C1orf21: variants seen among roughly 807,000 people sequenced by gnomAD.
The protein encoded by C1orf21 is uncharacterized protein C1orf21.
In C1orf21, 3 loss-of-function variants were observed where a neutral mutation model predicts 18.7. The ratio of observed to expected loss-of-function variants is 0.16; its 90% CI spans 0.07 to 0.42. The LOEUF (loss-of-function observed/expected upper bound fraction) is 0.42, where lower values mean the gene tolerates loss of function less well. C1orf21 is among the 10% of genes least tolerant of loss of function. The pLI is 0.99. For missense variants in C1orf21, 104 were observed against 143.6 expected (o/e 0.72, Z 1.41); for synonymous variants, 41 against 46.4 (o/e 0.88, Z 0.47).
chr1:184,494,313 A>C (rs989047039), intron 2 of C1orf21, among the ~76,000 whole-genome samples: 1 of 152,226 alleles, frequency 6.6e-6, no homozygotes, highest in Non-Finnish European at 1.5e-5. Context: ...ACAAACTCAC[A>C]GAGGCAGTCC....
chr1:184,394,244 G>A (rs1000647597), intron 1 of C1orf21, among the ~76,000 whole-genome samples: 64 of 152,330 alleles, frequency 4.2e-4, no homozygotes, highest in African/African-American at 1.5e-3. Context: ...TGGTTTTTAA[G>A]TAATAATTCC....
chr1:184,390,638 G>T (rs1474228664), intron 1 of C1orf21, among the ~76,000 whole-genome samples: 1 of 152,006 alleles, frequency 6.6e-6, no homozygotes, highest in African/African-American at 2.4e-5. Context: ...GTGAGGGAAG[G>T]GTTACATGAT....
At chr1:184,440,205 A>G (rs943110455) in intron 1 of C1orf21, among the ~76,000 whole-genome samples, 2 of 152,138 alleles carry the variant, frequency 1.3e-5, no homozygotes, top group African/African-American at 4.8e-5. Flanking sequence ...ATCAGAAAAC[A>G]TATTGATTTC....
At chr1:184,519,635 G>T (rs1468781113) in intron 3 of C1orf21, among the ~76,000 whole-genome samples, 1 of 152,176 alleles carries the variant, frequency 6.6e-6, no homozygotes, top group Non-Finnish European at 1.5e-5. Flanking sequence ...CTTTCTGCAG[G>T]TTGTTCAGAT....
At chr1:184,554,163 A>G (rs528213281) in intron 3 of C1orf21, among the ~76,000 whole-genome samples, 30 of 152,308 alleles carry the variant, frequency 2.0e-4, no homozygotes, top group Middle Eastern at 3.4e-3. Flanking sequence ...TAATTTTGAT[A>G]ACCTGTAATG....
At position 184,628,114 on chromosome 1, in the gene C1orf21, A is replaced by G. The variant is rs1336675838; in HGVS notation, c.*8558A>G. On this transcript the variant is annotated 3_prime_UTR_variant, in exon 6 of 6. Transcript: ENST00000235307. ...GGGCATTGCTCTTCTGAACACCTGC[A>G]GAGGCTTCCTCAGGTGAGTGTGGGA... 1 of 152,228 alleles carries G rather than the reference A, an allele frequency of 6.6e-6. No homozygotes were observed. Among genetic ancestry groups the G allele is most frequent in the Non-Finnish European group, 1.5e-5 (1 of 68,050 alleles). The allele number at this position is 152,228 out of a possible 1,614,324, so 9.4% of individuals were successfully genotyped here.
At chr1:184,423,443 G>A (rs998837700) in intron 1 of C1orf21, among the ~76,000 whole-genome samples, 1 of 152,172 alleles carries the variant, frequency 6.6e-6, no homozygotes, top group African/African-American at 2.4e-5. Context: ...CAAATACTGG[G>A]ATTGCGGCCT....
chr1:184,470,700 G>A (rs1010739406), intron 1 of C1orf21, among the ~76,000 whole-genome samples: 1 of 152,070 alleles, frequency 6.6e-6, no homozygotes, highest in Non-Finnish European at 1.5e-5. Context: ...CCAACGTGGC[G>A]AAATCCCATC....
intron 3 of C1orf21, among the ~76,000 whole-genome samples, chr1:184,564,389 A>G (rs558987388): frequency 6.6e-6 from 1 of 152,154 alleles, no homozygotes; most frequent in East Asian, 1.9e-4. Context: ...GCTCACTGCA[A>G]CCTGCGCCTC....
At chr1:184,484,419 C>T (rs1219975973) in intron 2 of C1orf21, among the ~76,000 whole-genome samples, 1 of 152,192 alleles carries the variant, frequency 6.6e-6, no homozygotes, top group Non-Finnish European at 1.5e-5. Context: ...TCCTCTAATA[C>T]CTTCAGAAGG....
chr1:184,552,269 A>G (rs1658823537), intron 3 of C1orf21, among the ~76,000 whole-genome samples: 1 of 152,246 alleles, frequency 6.6e-6, no homozygotes, highest in African/African-American at 2.4e-5. Context: ...CAGAACAAAG[A>G]AAATAGCCTG....
chr1:184,438,113 G>A (rs911084752), intron 1 of C1orf21, among the ~76,000 whole-genome samples: 6 of 152,054 alleles, frequency 3.9e-5, no homozygotes, highest in Admixed American at 2.0e-4. Context: ...TGATACCAGG[G>A]TCCCCTGATT....
intron 1 of C1orf21, among the ~76,000 whole-genome samples, chr1:184,432,505 G>A (rs773145105): frequency 1.8e-4 from 27 of 152,178 alleles, no homozygotes; most frequent in South Asian, 6.2e-4. Context: ...AATATCACAC[G>A]CTGGGGCCTG....
At chr1:184,529,243 G>A (rs1259977799) in intron 3 of C1orf21, among the ~76,000 whole-genome samples, 1 of 151,898 alleles carries the variant, frequency 6.6e-6, no homozygotes, top group Non-Finnish European at 1.5e-5. Context: ...TATTCAATTA[G>A]TAACATTTCT....
intron 1 of C1orf21, among the ~76,000 whole-genome samples, chr1:184,394,913 G>A (rs1425830518): frequency 6.6e-6 from 1 of 152,042 alleles, no homozygotes; most frequent in Non-Finnish European, 1.5e-5. Context: ...TTTGTGCCAG[G>A]AATCCATGAC....
At position 184,419,279 on chromosome 1, in the gene C1orf21, C is replaced by T. The variant is rs1480375066; in HGVS notation, c.-125+31911C>T. Among the ~76,000 whole-genome samples the T allele has an allele frequency of 1.1e-4, 17 of 152,250 alleles. No individual in the cohort carries two copies. In the South Asian group the frequency reaches 2.7e-3, roughly 24 times the overall value. ...AGATAAAATGAGAAGACATGTAAAACGATATCCTGTGCATAGTAAATTTTC... is the reference window on the plus strand; with the variant it reads ...AGATAAAATGAGAAGACATGTAAAATGATATCCTGTGCATAGTAAATTTTC... On this transcript the variant is annotated intron_variant, in intron 1 of 5. Coordinates refer to ENST00000235307, the MANE Select transcript of C1orf21 (RefSeq NM_030806.4).
At chr1:184,389,574 TTG>T (rs1335462412) in intron 1 of C1orf21, among the ~76,000 whole-genome samples, 1 of 152,120 alleles carries the variant, frequency 6.6e-6, no homozygotes, top group African/African-American at 2.4e-5. Context: ...TTCAAGAGCT[TTG>T]GTACTATTTG....
chr1:184,479,901 G>A (rs1297999342), intron 2 of C1orf21, among the ~76,000 whole-genome samples: 1 of 152,100 alleles, frequency 6.6e-6, no homozygotes, highest in Non-Finnish European at 1.5e-5. Context: ...GGGATTACAG[G>A]CATGAACCAC....
intron 3 of C1orf21, among the ~76,000 whole-genome samples, chr1:184,577,070 T>A (rs1659200973): frequency 6.6e-6 from 1 of 151,818 alleles, no homozygotes. Flanking sequence ...AAGAATGATG[T>A]CCACATCCAA....
Sources: allele counts gnomAD v4.1 joint callset (sites outside exome capture counted in the v4.1 genomes callset), GRCh38; gene constraint gnomAD v4.1.1; transcripts MANE v1.5; gene names NCBI Gene and HGNC (gene_info 2026-07-23, HGNC 2026-07-21).